The following AMOTL2 variants were observed in gnomAD, a reference collection of about 807,000 sequenced individuals.
The protein encoded by AMOTL2 is angiomotin-like protein 2.
A neutral mutation model predicts 78.4 loss-of-function variants in AMOTL2; 33 were observed. The ratio of observed to expected loss-of-function variants is 0.42; its 90% CI spans 0.32 to 0.56. The LOEUF (loss-of-function observed/expected upper bound fraction) is 0.56, where lower values mean the gene tolerates loss of function less well. Among genes scored for constraint, AMOTL2 ranks in the 20% least tolerant of loss-of-function variants. The pLI, the probability that AMOTL2 is intolerant of heterozygous loss-of-function variation, is 0.12. For missense variants in AMOTL2, 983 were observed against 1,030.1 expected (o/e 0.95, Z 0.63); for synonymous variants, 422 against 428.8 (o/e 0.98, Z 0.20).
At chr3:134,372,646 TC>T (rs1158413495) in intron 1 of AMOTL2, among the ~76,000 whole-genome samples, 2 of 151,978 alleles carry the variant, frequency 1.3e-5, no homozygotes, top group East Asian at 3.9e-4. Context: ...GACATCAGTG[TC>T]AAGGAAGCCC....
chr3:134,375,061 T>C, upstream of AMOTL2: 1 of 1,463,336 alleles, frequency 6.8e-7, no homozygotes, highest in Non-Finnish European at 9.0e-7. Flanking sequence ...ACCCCCGCTG[T>C]TTTCACCCCC....
At chr3:134,364,494 C>T (rs11708815) in intron 5 of AMOTL2, among the ~76,000 whole-genome samples, 39,880 of 151,968 alleles carry the variant, frequency 0.26, 6,096 homozygotes, top group Middle Eastern at 0.36. Flanking sequence ...AGCTTCTCCT[C>T]CCCAGACTCC....
chr3:134,365,775 G>A, intron 5 of AMOTL2, 42 bp downstream of exon 5: 1 of 1,551,832 alleles, frequency 6.4e-7, no homozygotes, highest in Non-Finnish European at 8.9e-7. Flanking sequence ...CAGTCCCATT[G>A]CCTGCACACA....
chr3:134,373,932 G>A, intron 1 of AMOTL2: 1 of 742,524 alleles, frequency 1.3e-6, no homozygotes, highest in Non-Finnish European at 1.6e-6. Flanking sequence ...CTAGTTGGGG[G>A]CAAAGGCACC....
In AMOTL2 at chr3:134,356,274, T is replaced by G. The variant is rs747576929; in HGVS notation, c.*1431A>C. On this transcript the variant is annotated 3_prime_UTR_variant, in exon 10 of 10. Transcript: ENST00000249883. ...TTTAAAAAGGAAACTTGAGGAACCATGGAAATAAAACAACACATACCAAAC... is the reference window on the plus strand; with the variant it reads ...TTTAAAAAGGAAACTTGAGGAACCAGGGAAATAAAACAACACATACCAAAC... 1 of 152,344 alleles carries G rather than the reference T, an allele frequency of 6.6e-6. No homozygotes were observed. The highest frequency in any genetic ancestry group is 1.5e-5 in the Non-Finnish European group (1 of 68,022). The allele number at this position is 152,344 out of a possible 1,614,324, so 9.4% of individuals were successfully genotyped here.
chr3:134,362,686 T>C (rs1485951070), intron 5 of AMOTL2, among the ~76,000 whole-genome samples: 2 of 152,230 alleles, frequency 1.3e-5, no homozygotes, highest in African/African-American at 4.8e-5. Context: ...TTTTGTTAAT[T>C]GCCCAAAGAA....
chr3:134,363,665 C>T (rs375072426), intron 5 of AMOTL2, among the ~76,000 whole-genome samples: 4 of 152,280 alleles, frequency 2.6e-5, no homozygotes, highest in East Asian at 1.9e-4. Context: ...TGGGGGGCTG[C>T]GTGGCTTGCC....
In AMOTL2 at chr3:134,367,575, A is replaced by G. The variant is rs2017666150; in HGVS notation, c.963T>C (p.Asn321=). ...GCTCATTGTCTCTCTGCAGCCTGGC[A>G]TTCTCCCTCAGCACGGCCTCCATCT... ...LAQMEAVLRE[N]ARLQRDNERL... The change falls in exon 3 of 10, where the codon AAT becomes AAC. Residue 321 remains asparagine, a synonymous_variant. Coordinates refer to ENST00000249883, the MANE Select transcript of AMOTL2 (RefSeq NM_016201.4). 6.2e-7 allele frequency: 1 copy of G among 1,613,350 alleles called. No homozygotes were observed. The highest frequency in any genetic ancestry group is 1.3e-5 in the African/African-American group (1 of 74,918).
At chr3:134,362,704 A>G (rs2017426137) in intron 5 of AMOTL2, among the ~76,000 whole-genome samples, 1 of 152,254 alleles carries the variant, frequency 6.6e-6, no homozygotes, top group Non-Finnish European at 1.5e-5. Flanking sequence ...GAAACTGCTC[A>G]GAGGCCCTCT....
At chr3:134,358,754 G>GT in intron 8 of AMOTL2, 35 bp from the exon 9 acceptor site, 1 of 1,609,912 alleles carries the variant, frequency 6.2e-7, no homozygotes, top group Non-Finnish European at 8.5e-7. Context: ...TGCCATGCCT[G>GT]TAAGATGTGG....
In AMOTL2 at chr3:134,356,267, G is replaced by A. The variant is rs972117501; in HGVS notation, c.*1438C>T. 5.2e-5 allele frequency: 8 copies of A among 152,414 alleles called. No homozygotes were observed. In the South Asian group the frequency reaches 1.5e-3, roughly 28 times the overall value. 9.4% of individuals were successfully genotyped at this position (152,414 alleles called of 1,614,324 possible). On this transcript the variant is annotated 3_prime_UTR_variant, in exon 10 of 10. Coordinates refer to ENST00000249883, the MANE Select transcript of AMOTL2 (RefSeq NM_016201.4). ...GCAAATGTTTAAAAAGGAAACTTGA[G>A]GAACCATGGAAATAAAACAACACAT...
At chr3:134,369,444 C>A (rs578211769) in intron 2 of AMOTL2, among the ~76,000 whole-genome samples, 2 of 152,312 alleles carry the variant, frequency 1.3e-5, no homozygotes, top group Admixed American at 1.3e-4. Flanking sequence ...TACTTCCTTG[C>A]CGTGATTACT....
chr3:134,365,553 C>A (rs1002013165), intron 5 of AMOTL2, among the ~76,000 whole-genome samples: 5 of 152,240 alleles, frequency 3.3e-5, no homozygotes, highest in African/African-American at 1.2e-4. Context: ...AGCACCGAAG[C>A]TCAGCAAATC....
At position 134,356,397 on chromosome 3, in the gene AMOTL2, G is replaced by A. The variant is rs1484675980; in HGVS notation, c.*1308C>T. ...CACCAATAGCTCCTGGGGCTGAAGT[G>A]AGGGACTCTTTAAGACCAGAAGTCA... On this transcript the variant is annotated 3_prime_UTR_variant, in exon 10 of 10. Coordinates refer to ENST00000249883, the MANE Select transcript of AMOTL2 (RefSeq NM_016201.4). The A allele has an allele frequency of 6.6e-6, 1 of 152,550 alleles. No individual in the cohort carries two copies. The highest frequency in any genetic ancestry group is 6.5e-5 in the Admixed American group (1 of 15,290). The allele number at this position is 152,550 out of a possible 1,614,324, so 9.4% of individuals were successfully genotyped here.
intron 5 of AMOTL2, among the ~76,000 whole-genome samples, chr3:134,363,527 C>G (rs982401568): frequency 1.7e-4 from 26 of 152,194 alleles, no homozygotes; most frequent in African/African-American, 6.3e-4. Flanking sequence ...CATCTTATAG[C>G]TGGAGAATCT....
intron 9 of AMOTL2, 131 bp downstream of exon 9, chr3:134,358,409 A>T: frequency 8.8e-7 from 1 of 1,136,956 alleles, no homozygotes; most frequent in Non-Finnish European, 1.2e-6. Context: ...ACCTCTGGCT[A>T]TGCACGGCTC....
At chr3:134,362,125 C>T (rs915197877) in intron 5 of AMOTL2, among the ~76,000 whole-genome samples, 1 of 152,216 alleles carries the variant, frequency 6.6e-6, no homozygotes. Flanking sequence ...GTCTAAAACA[C>T]ATCCACAATA....
intron 5 of AMOTL2, among the ~76,000 whole-genome samples, chr3:134,364,182 G>T (rs918420139): frequency 1.3e-5 from 2 of 151,900 alleles, no homozygotes; most frequent in Non-Finnish European, 2.9e-5. Flanking sequence ...GGCGAAGGGC[G>T]CCAGGCAGCG....
At position 134,357,610 on chromosome 3, in the gene AMOTL2, C is replaced by T. The variant is rs757748021; in HGVS notation, c.*95G>A. The T allele has an allele frequency of 7.6e-4, 964 of 1,267,176 alleles. 3 individuals carry two copies. The highest frequency in any genetic ancestry group is 2.4e-3 in the Middle Eastern group (12 of 5,086). 78.5% of individuals were successfully genotyped at this position (1,267,176 alleles called of 1,614,324 possible). On this transcript the variant is annotated 3_prime_UTR_variant, in exon 10 of 10. Transcript: ENST00000249883. Reference sequence around the variant, plus strand: ...ATGAGTGTCTGGCTGGGGAAAGGGACGGAGCAGCGGTTGACGGGGCTGCTG... The same window carrying T: ...ATGAGTGTCTGGCTGGGGAAAGGGATGGAGCAGCGGTTGACGGGGCTGCTG...
Sources: allele counts gnomAD v4.1 joint callset (sites outside exome capture counted in the v4.1 genomes callset), GRCh38; gene constraint gnomAD v4.1.1; transcripts MANE v1.5; gene names NCBI Gene and HGNC (gene_info 2026-07-23, HGNC 2026-07-21).